The following SNAPC3 variants were observed in gnomAD, a reference collection of about 807,000 sequenced individuals.
SNAPC3 encodes snRNA-activating protein complex subunit 3.
Under a neutral mutation model 47.7 loss-of-function variants are expected in SNAPC3, and 56 were observed. The ratio of observed to expected loss-of-function variants is 1.18; its 90% CI spans 0.95 to 1.47. SNAPC3 has a LOEUF of 1.47. SNAPC3 is among the 40% of genes most tolerant of loss of function. The pLI is 0.00. For synonymous variants in SNAPC3, 235 were observed against 189.9 expected, an observed-to-expected ratio of 1.24 and a Z score of -1.95; for missense variants, 665 against 511.3, an observed-to-expected ratio of 1.30 and a Z score of -2.90.
rs753756615 is a variant in SNAPC3 at position 15,459,698 on chromosome 9, TTC to T, written c.1089-19_1089-18del. ...GGCAAATTTGATTGTAATGATGTAC[TTC>T]TTTTTTTAAAAACTACAGATGGGTG... On this transcript the variant is annotated intron_variant, in intron 8 of 8. Transcript: ENST00000380821. 2.5e-6 allele frequency: 4 copies of T among 1,608,534 alleles called. No individual in the cohort carries two copies. The highest frequency in any genetic ancestry group is 3.4e-6 in the Non-Finnish European group (4 of 1,176,724).
At chr9:15,454,161 T>G (rs1235372594) in intron 7 of SNAPC3, among the ~76,000 whole-genome samples, 2 of 151,114 alleles carry the variant, frequency 1.3e-5, no homozygotes, top group Non-Finnish European at 2.9e-5. Context: ...GACCAGGAGG[T>G]CAAGGCTGCA....
chr9:15,444,707 G>T lies in SNAPC3; in HGVS notation c.582+1G>T. 1 of 1,507,212 alleles carries T rather than the reference G, an allele frequency of 6.6e-7. No individual in the cohort carries two copies. Among genetic ancestry groups the T allele is most frequent in the African/African-American group, 1.4e-5 (1 of 72,368 alleles). The allele number at this position is 1,507,212 out of a possible 1,614,324, so 93.4% of individuals were successfully genotyped here. On this transcript the variant is annotated splice_donor_variant, in intron 4 of 8. Coordinates refer to ENST00000380821, the MANE Select transcript of SNAPC3 (RefSeq NM_001039697.2). LOFTEE classifies it high-confidence loss of function. ...CTTGTACCCTGTTATATTTCATAAG[G>T]TAAGTAGTAAAACCTTTTGGATTTT...
rs773056764 is a variant in SNAPC3 at position 15,447,218 on chromosome 9, G to T, written c.706G>T (p.Asp236Tyr). Reference sequence around the variant, plus strand: ...TGGTGGTGAATTCAGCAACACTCCTGACCAAGCCCCTGAGCACATCAGCAA... The same window carrying T: ...TGGTGGTGAATTCAGCAACACTCCTTACCAAGCCCCTGAGCACATCAGCAA... The part of the protein sequence containing the change: ...QIGGEFSNTP[D>Y]QAPEHISKDL... The change falls in exon 5 of 9, where the codon GAC becomes TAC. Residue 236 changes from aspartate (D) to tyrosine (Y), a missense_variant. Physicochemically the swap from Asp to Tyr is radical, Grantham distance 160. Transcript: ENST00000380821. 1 of 1,614,096 alleles carries T rather than the reference G, an allele frequency of 6.2e-7. No homozygotes were observed. The highest frequency in any genetic ancestry group is 8.5e-7 in the Non-Finnish European group (1 of 1,180,002).
Position 15,433,593 on chromosome 9 carries a change from C to CAAT in SNAPC3, c.436_438dup (p.Ile146dup), listed in dbSNP as rs1038691806. 1 of 1,609,064 alleles carries CAAT rather than the reference C, an allele frequency of 6.2e-7. No homozygotes were observed. The highest frequency in any genetic ancestry group is 8.5e-7 in the Non-Finnish European group (1 of 1,177,264). Reference sequence around the variant, plus strand: ...TTGGAACATCGGGAAGAAACCATTACAATAGATCGAGCCTGCAGACAAGAA... The same window carrying CAAT: ...TTGGAACATCGGGAAGAAACCATTACAATAATAGATCGAGCCTGCAGACAAGAA... On this transcript the variant is annotated inframe_insertion, in exon 3 of 9. Coordinates refer to ENST00000380821, the MANE Select transcript of SNAPC3 (RefSeq NM_001039697.2).
chr9:15,437,729 T>G (rs1423015026), intron 3 of SNAPC3, among the ~76,000 whole-genome samples: 1 of 152,052 alleles, frequency 6.6e-6, no homozygotes, highest in Non-Finnish European at 1.5e-5. Flanking sequence ...AAATTCCACT[T>G]GGTTGTGGGA....
chr9:15,441,825 C>G (rs867754855), intron 3 of SNAPC3, among the ~76,000 whole-genome samples: 71 of 152,126 alleles, frequency 4.7e-4, no homozygotes, highest in African/African-American at 1.6e-3. Flanking sequence ...AATCTGATTT[C>G]TCTATCTTTT....
chr9:15,444,755 A>G (rs2033791352), intron 4 of SNAPC3, 49 bp downstream of exon 4: 2 of 990,390 alleles, frequency 2.0e-6, no homozygotes, highest in Non-Finnish European at 3.2e-6. Context: ...AACTTTTGTA[A>G]AAGTGTTTAA....
chr9:15,465,636 A>G (rs1184569116), downstream of SNAPC3: 7 of 1,378,290 alleles, frequency 5.1e-6, no homozygotes, highest in Non-Finnish European at 6.1e-6. Flanking sequence ...TGATGAAGGA[A>G]AAAAAGACAT....
chr9:15,464,548 G>A (rs2035480491), downstream of SNAPC3: 1 of 199,760 alleles, frequency 5.0e-6, no homozygotes, highest in Non-Finnish European at 1.0e-5. Context: ...TTGGAATCTA[G>A]AAAATAAAAA....
intron 2 of SNAPC3, among the ~76,000 whole-genome samples, chr9:15,426,442 T>G (rs2031409451): frequency 6.6e-6 from 1 of 152,338 alleles, no homozygotes; most frequent in Admixed American, 6.5e-5. Context: ...TTAGCTACAC[T>G]TGAAAGTTCC....
rs1048162716 is a variant in SNAPC3, at chr9:15,461,585, C to G, written c.*1719C>G. On this transcript the variant is annotated 3_prime_UTR_variant, in exon 9 of 9. Coordinates refer to ENST00000380821, the MANE Select transcript of SNAPC3 (RefSeq NM_001039697.2). The stretch of plus-strand genomic sequence containing the variant: ...AGACTTTTAGGAATACTATAGATTT[C>G]AAATGCATCATTTAAAATAAATAAA... 3 of 152,204 alleles carry G rather than the reference C, an allele frequency of 2.0e-5. No homozygotes were observed. The highest frequency in any genetic ancestry group is 2.9e-5 in the Non-Finnish European group (2 of 68,036). 9.4% of individuals were successfully genotyped at this position (152,204 alleles called of 1,614,324 possible). A position where few individuals can be genotyped will look rare whatever the true frequency, so the allele number is the denominator to read the frequency against.
At chr9:15,465,606 C>T (rs766998099), downstream of SNAPC3, 3 of 1,523,806 alleles carry the variant, frequency 2.0e-6, no homozygotes, top group Admixed American at 3.8e-5. Context: ...AAAGGTACAA[C>T]TGGAATTAGG....
chr9:15,424,461 A>G (rs563328432), intron 2 of SNAPC3, among the ~76,000 whole-genome samples: 1 of 152,356 alleles, frequency 6.6e-6, no homozygotes, highest in East Asian at 1.9e-4. Flanking sequence ...TTGTTTTTAA[A>G]AATTTTTAAT....
In SNAPC3 at chr9:15,427,694, C is replaced by T. The variant is rs571972393; in HGVS notation, c.392+3708C>T. Among the ~76,000 whole-genome samples the T allele has an allele frequency of 1.6e-4, 24 of 152,270 alleles. No individual in the cohort carries two copies. In the East Asian group the frequency reaches 3.3e-3, roughly 21 times the overall value. On this transcript the variant is annotated intron_variant, in intron 2 of 8. Coordinates refer to ENST00000380821, the MANE Select transcript of SNAPC3 (RefSeq NM_001039697.2). ...ACAATAGAAATTTTAGATTATTCTGCCCATCCCCCTCACTTTTGTGACCAA... is the reference window on the plus strand; with the variant it reads ...ACAATAGAAATTTTAGATTATTCTGTCCATCCCCCTCACTTTTGTGACCAA...
intron 3 of SNAPC3, among the ~76,000 whole-genome samples, chr9:15,438,918 C>T (rs934171717): frequency 3.3e-5 from 5 of 152,090 alleles, no homozygotes; most frequent in African/African-American, 1.2e-4. Context: ...AGTTGTTCTA[C>T]CCGTTATTGA....
chr9:15,438,552 G>A (rs2033035431), intron 3 of SNAPC3, among the ~76,000 whole-genome samples: 1 of 151,662 alleles, frequency 6.6e-6, no homozygotes, highest in Non-Finnish European at 1.5e-5. Flanking sequence ...TATTGAGATT[G>A]TTCTTTTATA....
intron 3 of SNAPC3, among the ~76,000 whole-genome samples, chr9:15,435,701 C>G (rs913670753): frequency 6.6e-6 from 1 of 150,568 alleles, no homozygotes; most frequent in Admixed American, 6.6e-5. Flanking sequence ...TGCATTCCAG[C>G]CTGGGCAACA....
rs78346637 is a variant in SNAPC3, at chr9:15,430,287, C to T, written c.393-3265C>T. ...ATCTACAAAAAATAAAAACAATTAG[C>T]CAGCTGTGGTGGCACACACCTGTGC... On this transcript the variant is annotated intron_variant, in intron 2 of 8. Transcript: ENST00000380821. Among the ~76,000 whole-genome samples, 1,020 of 152,160 alleles carry T rather than the reference C, an allele frequency of 6.7e-3. 9 individuals carry two copies. The highest frequency in any genetic ancestry group is 0.023 in the African/African-American group (973 of 41,528).
intron 3 of SNAPC3, among the ~76,000 whole-genome samples, chr9:15,434,355 T>G (rs999716092): frequency 6.6e-6 from 1 of 152,038 alleles, no homozygotes; most frequent in Non-Finnish European, 1.5e-5. Context: ...TATGAATTTG[T>G]CTATTCTAGA....
Sources: allele counts gnomAD v4.1 joint callset (sites outside exome capture counted in the v4.1 genomes callset), GRCh38; gene constraint gnomAD v4.1.1; transcripts MANE v1.5; gene names NCBI Gene and HGNC (gene_info 2026-07-23, HGNC 2026-07-21).